ADGRB3: variants seen among roughly 807,000 people sequenced by gnomAD.
ADGRB3 encodes adhesion G protein-coupled receptor B3.
A neutral mutation model predicts 193.4 loss-of-function variants in ADGRB3; 37 were observed. The ratio of observed to expected loss-of-function variants is 0.19; its 90% confidence interval spans 0.15 to 0.25. ADGRB3 has a LOEUF of 0.25. Ranked by LOEUF, ADGRB3 falls within the 10% of genes least tolerant of loss-of-function variation. The pLI is 1.00. For synonymous variants in ADGRB3, 690 were observed against 644.2 expected (o/e 1.07, Z -1.08); for missense variants, 1,637 against 1,852.9 (o/e 0.88, Z 2.14).
rs796823422 is a variant in ADGRB3 at position 69,141,130 on chromosome 6, G to C, written c.2480+65092G>C. 1.3e-4 allele frequency among the ~76,000 whole-genome samples: 13 copies of C among 97,958 alleles called. 1 individual carries two copies. Among genetic ancestry groups the C allele is most frequent in the South Asian group, 1.1e-3 (2 of 1,844 alleles). 64.3% of individuals were successfully genotyped at this position (97,958 alleles called of 152,430 possible). On this transcript the variant is annotated intron_variant, in intron 17 of 31. Transcript: ENST00000370598. ...AGGGATATTTCTTTCTTTTTTTTTGGGGGGGGCGGTGGGGACGGAGTCTTG... is the reference window on the plus strand; with the variant it reads ...AGGGATATTTCTTTCTTTTTTTTTGCGGGGGGCGGTGGGGACGGAGTCTTG...
At chr6:68,699,606 T>A (rs1480358494) in intron 3 of ADGRB3, among the ~76,000 whole-genome samples, 2 of 151,806 alleles carry the variant, frequency 1.3e-5, no homozygotes, top group Admixed American at 1.3e-4. Context: ...ATTAAGAGAA[T>A]CTCCCATTTG....
chr6:68,905,171 G>A (rs1766507787), intron 3 of ADGRB3, among the ~76,000 whole-genome samples: 1 of 152,070 alleles, frequency 6.6e-6, no homozygotes, highest in Non-Finnish European at 1.5e-5. Flanking sequence ...ATAACGATCT[G>A]TTTTAATAGT....
chr6:68,679,967 T>C (rs1582118935), intron 3 of ADGRB3, among the ~76,000 whole-genome samples: 1 of 152,130 alleles, frequency 6.6e-6, no homozygotes, highest in Non-Finnish European at 1.5e-5. Flanking sequence ...AGGTAGTGCC[T>C]TCAGGAAGTG....
intron 17 of ADGRB3, among the ~76,000 whole-genome samples, chr6:69,209,195 G>A (rs1178756269): frequency 6.6e-6 from 1 of 152,130 alleles, no homozygotes; most frequent in Non-Finnish European, 1.5e-5. Context: ...CTCCTATTCT[G>A]GACCTCACTC....
chr6:68,771,670 A>G (rs1443864084), intron 3 of ADGRB3, among the ~76,000 whole-genome samples: 1 of 152,140 alleles, frequency 6.6e-6, no homozygotes, highest in Admixed American at 6.6e-5. Flanking sequence ...CAAGCAAACA[A>G]GCAAGTTAGC....
At chr6:69,155,152 G>A (rs926864993) in intron 17 of ADGRB3, among the ~76,000 whole-genome samples, 4 of 152,134 alleles carry the variant, frequency 2.6e-5, no homozygotes, top group Non-Finnish European at 5.9e-5. Flanking sequence ...TTAACCTAAG[G>A]TGACAAATTG....
At chr6:68,726,399 G>T (rs573152282) in intron 3 of ADGRB3, among the ~76,000 whole-genome samples, 2 of 151,632 alleles carry the variant, frequency 1.3e-5, no homozygotes, top group South Asian at 4.1e-4. Context: ...CCTGATTCCT[G>T]GTCTGATATG....
chr6:69,088,115 C>CT (rs1008133286), intron 17 of ADGRB3, among the ~76,000 whole-genome samples: 8 of 152,108 alleles, frequency 5.3e-5, no homozygotes, highest in Admixed American at 1.3e-4. Flanking sequence ...ATCCATTTCA[C>CT]TTTTTCCAAC....
At chr6:69,195,039 T>C (rs1166289150) in intron 17 of ADGRB3, among the ~76,000 whole-genome samples, 1 of 152,174 alleles carries the variant, frequency 6.6e-6, no homozygotes, top group Non-Finnish European at 1.5e-5. Flanking sequence ...TTGGTCTTGC[T>C]ATTTATGTCC....
chr6:69,087,470 A>G (rs1186805031), intron 17 of ADGRB3, among the ~76,000 whole-genome samples: 1 of 152,056 alleles, frequency 6.6e-6, no homozygotes, highest in Non-Finnish European at 1.5e-5. Flanking sequence ...AGCTCATGGT[A>G]TTTTTGCTCT....
At chr6:68,869,386 T>C (rs1222967735) in intron 3 of ADGRB3, among the ~76,000 whole-genome samples, 1 of 152,172 alleles carries the variant, frequency 6.6e-6, no homozygotes, top group African/African-American at 2.4e-5. Context: ...TTTAGTTGTT[T>C]TGAGTAAGCC....
chr6:69,251,711 A>G (rs1766625988), intron 20 of ADGRB3, among the ~76,000 whole-genome samples: 2 of 152,202 alleles, frequency 1.3e-5, no homozygotes, highest in South Asian at 4.1e-4. Context: ...AGTATACTCT[A>G]ATGATTCCCA....
intron 3 of ADGRB3, among the ~76,000 whole-genome samples, chr6:68,782,663 C>T (rs1204890025): frequency 6.6e-6 from 1 of 152,054 alleles, no homozygotes; most frequent in African/African-American, 2.4e-5. Context: ...ATGATCTCCA[C>T]TCTAACTGGT....
intron 17 of ADGRB3, among the ~76,000 whole-genome samples, chr6:69,142,679 A>T (rs1448031106): frequency 2.0e-5 from 3 of 152,212 alleles, no homozygotes; most frequent in African/African-American, 7.2e-5. Context: ...CCCGCTGATT[A>T]GTCTTGAACT....
chr6:68,823,886 CATT>C (rs999241685), intron 3 of ADGRB3, among the ~76,000 whole-genome samples: 2 of 152,110 alleles, frequency 1.3e-5, no homozygotes, highest in African/African-American at 4.8e-5. Context: ...GTAATTATCT[CATT>C]GTTGAATAAT....
chr6:68,663,747 C>T (rs1216697714), intron 3 of ADGRB3, among the ~76,000 whole-genome samples: 1 of 151,824 alleles, frequency 6.6e-6, no homozygotes, highest in East Asian at 1.9e-4. Context: ...TTGATTTCAT[C>T]ATGACTTAAA....
At chr6:68,801,130 C>T (rs1001212827) in intron 3 of ADGRB3, among the ~76,000 whole-genome samples, 39 of 152,244 alleles carry the variant, frequency 2.6e-4, no homozygotes, top group Admixed American at 1.1e-3. Flanking sequence ...GCTTGATGCT[C>T]ATATATATAA....
intron 3 of ADGRB3, among the ~76,000 whole-genome samples, chr6:68,901,721 T>C (rs1442516686): frequency 1.3e-5 from 2 of 152,168 alleles, no homozygotes; most frequent in Non-Finnish European, 2.9e-5. Flanking sequence ...CTATATATAC[T>C]ACATGGCATA....
chr6:68,902,283 A>G (rs1389188987), intron 3 of ADGRB3, among the ~76,000 whole-genome samples: 3 of 152,122 alleles, frequency 2.0e-5, no homozygotes, highest in Non-Finnish European at 4.4e-5. Context: ...TACTAACAAT[A>G]GAGACGTTCT....
Sources: allele counts gnomAD v4.1 joint callset (sites outside exome capture counted in the v4.1 genomes callset), GRCh38; gene constraint gnomAD v4.1.1; transcripts MANE v1.5; gene names NCBI Gene and HGNC (gene_info 2026-07-23, HGNC 2026-07-21).